ARAP2: variants seen among roughly 807,000 people sequenced by gnomAD.
The protein encoded by ARAP2 is arf-GAP with Rho-GAP domain, ANK repeat and PH domain-containing protein 2.
Under a neutral mutation model 194.5 loss-of-function variants are expected in ARAP2, and 148 were observed. The ratio of observed to expected loss-of-function variants is 0.76; its 90% CI spans 0.67 to 0.87. The LOEUF is 0.87. ARAP2 is among the 40% of genes least tolerant of loss of function. The pLI is 0.00. For synonymous variants in ARAP2, 695 were observed against 683.5 expected (o/e 1.02, Z -0.26); for missense variants, 2,128 against 1,989.7 (o/e 1.07, Z -1.32).
At position 36,151,029 on chromosome 4, in the gene ARAP2, C is replaced by T. The variant is rs751137087; in HGVS notation, c.2768G>A (p.Trp923Ter). The change falls in exon 16 of 33, where the codon TGG becomes TAG. Residue 923 changes from tryptophan (W) to a stop codon, truncating the protein, a stop_gained. Transcript: ENST00000303965. LOFTEE classifies it high-confidence loss of function. ...CAAGAAGCCTCCTTCCAAAACACAC[C>T]ATTTTTTATTTGTCTCTAAGAATTT... ...KKLLEETNKK[W>*]CVLEGGFLSY... 2 of 1,594,258 alleles carry T rather than the reference C, an allele frequency of 1.3e-6. No homozygotes were observed. The highest frequency in any genetic ancestry group is 2.3e-5 in the East Asian group (1 of 44,242).
chr4:36,226,225 CAAAG>C (rs1253321129), intron 2 of ARAP2, among the ~76,000 whole-genome samples: 2 of 152,190 alleles, frequency 1.3e-5, no homozygotes, highest in Admixed American at 1.3e-4. Context: ...TTTCCACTCT[CAAAG>C]ACTCAGTCAC....
chr4:36,182,338 A>T (rs1259360149), intron 8 of ARAP2, among the ~76,000 whole-genome samples: 1 of 152,076 alleles, frequency 6.6e-6, no homozygotes, highest in Non-Finnish European at 1.5e-5. Context: ...TAAAAATACA[A>T]AAAATTAGCC....
chr4:36,155,764 G>A (rs112474770), intron 15 of ARAP2, among the ~76,000 whole-genome samples: 5 of 151,652 alleles, frequency 3.3e-5, no homozygotes, highest in African/African-American at 7.3e-5. Flanking sequence ...CCAGGTTCAC[G>A]TCATTCTCCT....
intron 31 of ARAP2, among the ~76,000 whole-genome samples, chr4:36,074,834 C>T (rs17576241): frequency 0.019 from 2,890 of 152,148 alleles, 68 homozygotes; most frequent in East Asian, 0.097. Context: ...TTACTGTCTA[C>T]CTACCATATA....
At position 36,150,852 on chromosome 4, in the gene ARAP2, T is replaced by G. The variant is rs1375764070; in HGVS notation, c.2897+48A>C. The stretch of plus-strand genomic sequence containing the variant: ...ACAAAACTCTCATTACCTGTTATAA[T>G]TATCTGAAAATACCTTTTACCTCCT... On this transcript the variant is annotated intron_variant, in intron 16 of 32. Transcript: ENST00000303965. 3 of 1,566,666 alleles carry G rather than the reference T, an allele frequency of 1.9e-6. No homozygotes were observed. The African/African-American group carries it at 4.1e-5, about 21-fold the overall frequency.
intron 27 of ARAP2, among the ~76,000 whole-genome samples, chr4:36,097,153 T>C (rs1229158790): frequency 1.3e-5 from 2 of 152,206 alleles, no homozygotes; most frequent in East Asian, 3.9e-4. Context: ...TTAAATATCG[T>C]TTAAATAGTA....
In ARAP2 at chr4:36,090,971, C is replaced by T. The variant is rs148620952; in HGVS notation, c.4425+910G>A. The stretch of plus-strand genomic sequence containing the variant: ...TGTCGCAGTCTTATAAAAACCAAAT[C>T]CCTGGAGGTGGGGCCTGTGCACATT... On this transcript the variant is annotated intron_variant, in intron 28 of 32. Coordinates refer to ENST00000303965, the MANE Select transcript of ARAP2 (RefSeq NM_015230.4). 2.0e-5 allele frequency among the ~76,000 whole-genome samples: 3 copies of T among 152,176 alleles called. No homozygotes were observed. In the East Asian group the frequency reaches 5.8e-4, roughly 29 times the overall value.
chr4:36,020,408 C>T (rs1443226628), intron 5 of ARAP2, among the ~76,000 whole-genome samples: 1 of 152,016 alleles, frequency 6.6e-6, no homozygotes, highest in Non-Finnish European at 1.5e-5. Flanking sequence ...CAAAACAAGG[C>T]CCCCGCCCCC....
At chr4:36,009,505 G>A (rs1713988765) in intron 9 of ARAP2, among the ~76,000 whole-genome samples, 2 of 152,090 alleles carry the variant, frequency 1.3e-5, no homozygotes, top group East Asian at 1.9e-4. Flanking sequence ...ACAGACACTG[G>A]GCAATACAAG....
chr4:36,158,282 C>T (rs1733054995), intron 15 of ARAP2, among the ~76,000 whole-genome samples: 1 of 151,932 alleles, frequency 6.6e-6, no homozygotes, highest in Non-Finnish European at 1.5e-5. Context: ...TACTTAAACA[C>T]ACACACACAC....
chr4:36,204,472 G>C (rs1745094864), intron 6 of ARAP2, among the ~76,000 whole-genome samples: 1 of 152,110 alleles, frequency 6.6e-6, no homozygotes, highest in African/African-American at 2.4e-5. Flanking sequence ...CTAAAGAAAA[G>C]ATGGAAAGAC....
chr4:36,206,105 C>T (rs1322531025), intron 6 of ARAP2, among the ~76,000 whole-genome samples: 1 of 152,168 alleles, frequency 6.6e-6, no homozygotes, highest in East Asian at 1.9e-4. Context: ...CCAAGAGACC[C>T]AAGGCACTCA....
intron 19 of ARAP2, among the ~76,000 whole-genome samples, chr4:36,137,334 G>T (rs1389263947): frequency 6.6e-6 from 1 of 151,824 alleles, no homozygotes; most frequent in Non-Finnish European, 1.5e-5. Flanking sequence ...AAGGTTAAGT[G>T]ATTTAGCTAC....
intron 31 of ARAP2, among the ~76,000 whole-genome samples, chr4:36,076,866 A>T (rs969310539): frequency 6.6e-6 from 1 of 152,020 alleles, no homozygotes; most frequent in Non-Finnish European, 1.5e-5. Flanking sequence ...TTCCTTCTAC[A>T]TCTCTGATGA....
intron 20 of ARAP2, among the ~76,000 whole-genome samples, chr4:36,130,736 T>C (rs1725225224): frequency 6.6e-6 from 1 of 151,896 alleles, no homozygotes; most frequent in Non-Finnish European, 1.5e-5. Context: ...GTGACATATC[T>C]CTGTATATAT....
intron 2 of ARAP2, among the ~76,000 whole-genome samples, chr4:36,215,859 AAC>A (rs909656734): frequency 1.1e-4 from 14 of 131,084 alleles, no homozygotes; most frequent in Non-Finnish European, 1.8e-4. Flanking sequence ...CAAAAAAAAA[AAC>A]AAAAACAAAG....
chr4:36,011,862 A>C (rs1186174264), intron 9 of ARAP2, among the ~76,000 whole-genome samples: 5 of 152,210 alleles, frequency 3.3e-5, no homozygotes, highest in African/African-American at 1.2e-4. Context: ...AGGGAAAAAG[A>C]TATGGATATC....
intron 5 of ARAP2, among the ~76,000 whole-genome samples, chr4:36,044,226 T>C (rs1018413246): frequency 2.6e-5 from 4 of 152,118 alleles, no homozygotes; most frequent in South Asian, 2.1e-4. Context: ...AATTAGACAA[T>C]TTATTTGGCA....
intron 5 of ARAP2, among the ~76,000 whole-genome samples, chr4:36,025,912 A>G (rs1359646897): frequency 6.6e-6 from 1 of 152,160 alleles, no homozygotes; most frequent in African/African-American, 2.4e-5. Context: ...ATTAGAGAGA[A>G]ATAAACTTGT....
Sources: gnomAD v4.1 joint callset for allele counts (sites outside exome capture counted in the v4.1 genomes callset) on GRCh38, gnomAD v4.1.1 for gene constraint, MANE v1.5 for transcripts, NCBI Gene and HGNC (gene_info 2026-07-23, HGNC 2026-07-21) for gene names.